The following PXDNL variants were observed in gnomAD, a reference collection of about 807,000 sequenced individuals.
The protein encoded by PXDNL is peroxidasin like.
PXDNL carries 145 observed loss-of-function variants against 150.8 expected under a neutral mutation model. The observed-to-expected ratio is 0.96, with a 90% CI of 0.84 to 1.10. The LOEUF (loss-of-function observed/expected upper bound fraction) is 1.10, where lower values mean the gene tolerates loss of function less well. Among genes scored for constraint, PXDNL ranks in the 50% least tolerant of loss-of-function variants. PXDNL has a pLI of 0.00. For missense variants in PXDNL, 2,087 were observed against 1,873.9 expected (o/e 1.11, Z -2.10); for synonymous variants, 757 against 725.7 (o/e 1.04, Z -0.69).
intron 9 of PXDNL, among the ~76,000 whole-genome samples, chr8:51,457,092 G>A (rs1328012939): frequency 1.3e-5 from 2 of 152,192 alleles, no homozygotes; most frequent in Non-Finnish European, 2.9e-5. Context: ...TAAGGAACGT[G>A]GTTGATAACC....
intron 12 of PXDNL, among the ~76,000 whole-genome samples, chr8:51,444,517 G>A (rs934008352): frequency 1.3e-5 from 2 of 152,106 alleles, no homozygotes; most frequent in African/African-American, 4.8e-5. Flanking sequence ...ATTCTTCATA[G>A]TAAAAAAATC....
intron 1 of PXDNL, among the ~76,000 whole-genome samples, chr8:51,661,703 C>G (rs914079565): frequency 5.9e-5 from 9 of 152,166 alleles, no homozygotes; most frequent in Non-Finnish European, 8.8e-5. Flanking sequence ...ATCGCCTGCT[C>G]CCTGGTGTGC....
chr8:51,413,294 C>A, intron 14 of PXDNL, 36 bp from the exon 15 acceptor site: 1 of 1,329,906 alleles, frequency 7.5e-7, no homozygotes, highest in Non-Finnish European at 1.1e-6. Flanking sequence ...AAATATCAAA[C>A]AGACCTTGAA....
chr8:51,696,234 A>G (rs1473146902), intron 1 of PXDNL, among the ~76,000 whole-genome samples: 1 of 152,204 alleles, frequency 6.6e-6, no homozygotes, highest in Admixed American at 6.5e-5. Flanking sequence ...CATTAGAGAC[A>G]GGGCCTTCAG....
chr8:51,338,296 A>G (rs2130671992), intron 21 of PXDNL, among the ~76,000 whole-genome samples: 1 of 152,138 alleles, frequency 6.6e-6, no homozygotes, highest in East Asian at 1.9e-4. Flanking sequence ...CAGGCAGCTT[A>G]GCTTCCCAAT....
At chr8:51,805,280 AAAGT>A (rs1361264119) in intron 1 of PXDNL, among the ~76,000 whole-genome samples, 1 of 151,218 alleles carries the variant, frequency 6.6e-6, no homozygotes, top group Non-Finnish European at 1.5e-5. Flanking sequence ...AACAAAGGTA[AAAGT>A]AAGCCCTATT....
At chr8:51,696,848 C>CAT (rs1256570735) in intron 1 of PXDNL, among the ~76,000 whole-genome samples, 51 of 560 alleles carry the variant, frequency 0.091, no homozygotes, top group Middle Eastern at 0.25. Flanking sequence ...CAGGTCCTGA[C>CAT]ACACACACAG....
chr8:51,609,764 C>T (rs1167118484), intron 2 of PXDNL, among the ~76,000 whole-genome samples: 1 of 152,166 alleles, frequency 6.6e-6, no homozygotes, highest in Non-Finnish European at 1.5e-5. Flanking sequence ...GGGCTGCTTA[C>T]TGCTTGAAAT....
intron 17 of PXDNL, among the ~76,000 whole-genome samples, chr8:51,391,783 T>G (rs1303664643): frequency 6.6e-6 from 1 of 152,162 alleles, no homozygotes; most frequent in East Asian, 1.9e-4. Flanking sequence ...TTGCCATTGC[T>G]TTTGGTGTTT....
At chr8:51,749,141 ATTATGTAGTACAAGGAGGTATAATTAC>A (rs1175028307) in intron 1 of PXDNL, among the ~76,000 whole-genome samples, 16 of 152,350 alleles carry the variant, frequency 1.1e-4, no homozygotes, top group Admixed American at 8.5e-4. Flanking sequence ...ATTGATACTA[ATTATGTAGTACAAGGAGGTATAATTAC>A]TTCAAGGAAT....
chr8:51,639,205 T>G (rs1814682134), intron 2 of PXDNL, among the ~76,000 whole-genome samples: 1 of 152,166 alleles, frequency 6.6e-6, no homozygotes, highest in African/African-American at 2.4e-5. Flanking sequence ...TAAAGCAGTG[T>G]GTAGAGGGAA....
chr8:51,486,666 T>A (rs887774183), intron 5 of PXDNL, among the ~76,000 whole-genome samples: 3 of 148,222 alleles, frequency 2.0e-5, no homozygotes, highest in Admixed American at 6.8e-5. Flanking sequence ...ATGCAATGTA[T>A]TTGTTGATTT....
chr8:51,373,395 C>G (rs1445195332), intron 18 of PXDNL, among the ~76,000 whole-genome samples: 1 of 152,190 alleles, frequency 6.6e-6, no homozygotes, highest in African/African-American at 2.4e-5. Context: ...TTTGTTACAA[C>G]AGCCTGGTAA....
At chr8:51,486,673 AT>A (rs1477953319) in intron 5 of PXDNL, among the ~76,000 whole-genome samples, 2 of 139,220 alleles carry the variant, frequency 1.4e-5, no homozygotes, top group African/African-American at 5.4e-5. Flanking sequence ...GTATTTGTTG[AT>A]TTCTGCTTGT....
At chr8:51,352,285 G>C (rs554280840) in intron 19 of PXDNL, among the ~76,000 whole-genome samples, 7 of 152,276 alleles carry the variant, frequency 4.6e-5, no homozygotes, top group African/African-American at 1.7e-4. Context: ...AAAGGCACCT[G>C]CACTCATATG....
At chr8:51,350,672 C>G (rs927445494) in intron 19 of PXDNL, among the ~76,000 whole-genome samples, 37 of 152,064 alleles carry the variant, frequency 2.4e-4, no homozygotes, top group African/African-American at 8.7e-4. Flanking sequence ...CAGCTTCTAC[C>G]TGGCAGCGGC....
intron 8 of PXDNL, among the ~76,000 whole-genome samples, chr8:51,464,454 G>A (rs1810158287): frequency 2.0e-5 from 2 of 99,852 alleles, no homozygotes; most frequent in Non-Finnish European, 4.4e-5. Context: ...AGGATAAAGA[G>A]GATTGCTAGA....
intron 2 of PXDNL, among the ~76,000 whole-genome samples, chr8:51,640,946 T>C (rs1237799893): frequency 6.6e-6 from 1 of 152,140 alleles, no homozygotes; most frequent in Non-Finnish European, 1.5e-5. Context: ...GCTACCTGAC[T>C]TCAAACTATA....
Position 51,408,666 on chromosome 8 carries a change from G to T in PXDNL, c.2958C>A (p.Ser986=). The change falls in exon 17 of 23, where the codon TCC becomes TCA. Residue 986 remains serine (S), a synonymous_variant. Transcript: ENST00000356297. ...TTCCCTCCCAGTGGGGGTTCAGGGCGGACAGCTCCGTGGCCATCCTGTTGT... is the reference window on the plus strand; with the variant it reads ...TTCCCTCCCAGTGGGGGTTCAGGGCTGACAGCTCCGTGGCCATCCTGTTGT... ...REHNRMATEL[S]ALNPHWEGNT... The T allele has an allele frequency of 1.2e-6, 2 of 1,602,506 alleles. No individual in the cohort carries two copies. Among genetic ancestry groups the T allele is most frequent in the Admixed American group, 1.7e-5 (1 of 58,430 alleles).
Sources: gnomAD v4.1 joint callset for allele counts (sites outside exome capture counted in the v4.1 genomes callset) on GRCh38, gnomAD v4.1.1 for gene constraint, MANE v1.5 for transcripts, NCBI Gene and HGNC (gene_info 2026-07-23, HGNC 2026-07-21) for gene names.